TPRG1: variants seen among roughly 807,000 people sequenced by gnomAD.
TPRG1 encodes the protein tumor protein p63 regulated 1.
TPRG1 carries 29 observed loss-of-function variants against 29.3 expected under a neutral mutation model. The observed-to-expected ratio is 0.99, with a 90% confidence interval of 0.74 to 1.35. The LOEUF is 1.35. Among genes scored for constraint, TPRG1 ranks in the 40% most tolerant of loss-of-function variants. The probability of loss-of-function intolerance (pLI) is 0.00; values close to 1 mark genes in which losing one functional copy is unlikely to be tolerated. For missense variants in TPRG1, 327 were observed against 335.0 expected, an observed-to-expected ratio of 0.98 and a Z score of 0.19; for synonymous variants, 130 against 116.8, an observed-to-expected ratio of 1.11 and a Z score of -0.73.
intron 3 of TPRG1, among the ~76,000 whole-genome samples, chr3:189,134,191 G>A (rs189778226): frequency 8.3e-4 from 127 of 152,184 alleles, no homozygotes; most frequent in African/African-American, 2.8e-3. Flanking sequence ...GTGTCTGACC[G>A]TGGGTAAATC....
At chr3:189,117,312 G>A (rs559707605) in intron 1 of TPRG1, among the ~76,000 whole-genome samples, 4 of 152,204 alleles carry the variant, frequency 2.6e-5, no homozygotes, top group East Asian at 3.8e-4. Flanking sequence ...CTGGAAGGAC[G>A]TGGGAAGACA....
intron 3 of TPRG1, among the ~76,000 whole-genome samples, chr3:189,234,542 T>C (rs1335900379): frequency 6.6e-6 from 1 of 152,218 alleles, no homozygotes; most frequent in African/African-American, 2.4e-5. Context: ...ATGTTACTGA[T>C]TGTTTATTGA....
rs566160426 is a variant in TPRG1 at position 189,242,163 on chromosome 3, G to A, written c.479+3254G>A. 2.1e-3 allele frequency among the ~76,000 whole-genome samples: 312 copies of A among 152,016 alleles called. 1 individual carries two copies. The highest frequency in any genetic ancestry group is 7.2e-3 in the African/African-American group (297 of 41,480). On this transcript the variant is annotated intron_variant, in intron 4 of 5. Coordinates refer to ENST00000345063, the MANE Select transcript of TPRG1 (RefSeq NM_198485.4). ...ACTTGAATTTTTATCCAGATGGCAGGCTAGATTTCTCGATATCATATATTT... is the reference window on the plus strand; with the variant it reads ...ACTTGAATTTTTATCCAGATGGCAGACTAGATTTCTCGATATCATATATTT...
rs75576187 is a variant in TPRG1, at chr3:189,175,799, G to T, written c.-10+3668G>T. On this transcript the variant is annotated intron_variant, in intron 1 of 5. Coordinates refer to ENST00000345063, the MANE Select transcript of TPRG1 (RefSeq NM_198485.4). ...AGACTCATTTAAAAATATGGAAAAG[G>T]TTTCTCTCTCTCAAGAAAGTCTATT... Among the ~76,000 whole-genome samples the T allele has an allele frequency of 8.0e-3, 1,211 of 152,204 alleles. 19 individuals carry two copies. The highest frequency in any genetic ancestry group is 0.027 in the African/African-American group (1,138 of 41,524).
chr3:189,112,602 A>G (rs892710728), intron 1 of TPRG1, among the ~76,000 whole-genome samples: 6 of 152,212 alleles, frequency 3.9e-5, no homozygotes, highest in African/African-American at 1.2e-4. Context: ...GTGGCTAGCC[A>G]GTTTTCCCAG....
At chr3:189,182,961 A>C (rs1303767907) in intron 1 of TPRG1, among the ~76,000 whole-genome samples, 1 of 152,208 alleles carries the variant, frequency 6.6e-6, no homozygotes, top group Non-Finnish European at 1.5e-5. Flanking sequence ...AGAACATGTA[A>C]GATCTATTCT....
intron 1 of TPRG1, among the ~76,000 whole-genome samples, chr3:189,105,282 G>T (rs1013065228): frequency 6.6e-6 from 1 of 152,038 alleles, no homozygotes; most frequent in African/African-American, 2.4e-5. Context: ...AAACTCTAAA[G>T]CTTACTCATG....
chr3:189,278,907 T>C (rs920939439), intron 4 of TPRG1, among the ~76,000 whole-genome samples: 2 of 152,218 alleles, frequency 1.3e-5, no homozygotes, highest in Non-Finnish European at 2.9e-5. Context: ...CAGTCCCAAG[T>C]ACTTATGCTC....
chr3:189,288,849 G>T (rs1221735860), intron 4 of TPRG1, among the ~76,000 whole-genome samples: 1 of 152,254 alleles, frequency 6.6e-6, no homozygotes, highest in Admixed American at 6.5e-5. Flanking sequence ...GCCTAATAAT[G>T]TGAGTTTTGA....
chr3:189,316,560 G>T (rs2109347989), intron 5 of TPRG1, among the ~76,000 whole-genome samples: 1 of 152,262 alleles, frequency 6.6e-6, no homozygotes, highest in East Asian at 1.9e-4. Flanking sequence ...GAGACTCCAG[G>T]CAATGAACTG....
chr3:189,268,351 T>G (rs946992628), intron 4 of TPRG1, among the ~76,000 whole-genome samples: 2 of 152,170 alleles, frequency 1.3e-5, no homozygotes, highest in African/African-American at 4.8e-5. Flanking sequence ...CAAATCTCCG[T>G]GGGGAGGCGT....
intron 4 of TPRG1, among the ~76,000 whole-genome samples, chr3:189,260,900 C>G (rs1363351747): frequency 1.3e-5 from 2 of 152,170 alleles, no homozygotes; most frequent in Non-Finnish European, 2.9e-5. Context: ...AGTTGCTGCT[C>G]CATGCCCTCA....
At chr3:189,160,487 A>G (rs1227408477) in intron 5 of TPRG1, among the ~76,000 whole-genome samples, 1 of 152,052 alleles carries the variant, frequency 6.6e-6, no homozygotes, top group Non-Finnish European at 1.5e-5. Flanking sequence ...CATTTAGTAA[A>G]TTTCATTTTG....
In TPRG1 at chr3:189,322,809, A is replaced by C. The variant is rs1724430937; in HGVS notation, c.*1989A>C. On this transcript the variant is annotated 3_prime_UTR_variant, in exon 6 of 6. Coordinates refer to ENST00000345063, the MANE Select transcript of TPRG1 (RefSeq NM_198485.4). ...GCACCATCATCAATGGAAACAGTTC[A>C]GAAAGGATGACAGGAGGGAGATGTT... 6.6e-6 allele frequency: 1 copy of C among 152,162 alleles called. No individual in the cohort carries two copies. Among genetic ancestry groups the C allele is most frequent in the Non-Finnish European group, 1.5e-5 (1 of 68,024 alleles). 9.4% of individuals were successfully genotyped at this position (152,162 alleles called of 1,614,324 possible).
chr3:189,061,507 G>A (rs559095229), intron 4 of TPRG1, among the ~76,000 whole-genome samples: 1 of 152,134 alleles, frequency 6.6e-6, no homozygotes, highest in Non-Finnish European at 1.5e-5. Context: ...AACAGACAAT[G>A]TACAGAATGT....
intron 1 of TPRG1, among the ~76,000 whole-genome samples, chr3:189,172,460 A>G (rs370375888): frequency 2.0e-5 from 3 of 152,160 alleles, no homozygotes; most frequent in Admixed American, 6.5e-5. Flanking sequence ...AGCTTGGTCA[A>G]TTGAAGTGAT....
At chr3:189,226,096 C>T (rs1007473200) in intron 3 of TPRG1, among the ~76,000 whole-genome samples, 2 of 152,158 alleles carry the variant, frequency 1.3e-5, no homozygotes, top group East Asian at 1.9e-4. Flanking sequence ...TTGGTATCAC[C>T]GCTAGACAGA....
rs1459273271 is a variant in TPRG1, at chr3:189,173,733, G to A, written c.-10+1602G>A. 2.0e-5 allele frequency among the ~76,000 whole-genome samples: 3 copies of A among 151,886 alleles called. No individual in the cohort carries two copies. In the East Asian group the frequency reaches 5.8e-4, roughly 29 times the overall value. On this transcript the variant is annotated intron_variant, in intron 1 of 5. Coordinates refer to ENST00000345063, the MANE Select transcript of TPRG1 (RefSeq NM_198485.4). ...CATATGGGTCTCTTACTCTTTCATT[G>A]CCCACAATATGTAGTGAATGGTGCT...
chr3:189,030,348 T>C (rs1189207820), intron 4 of TPRG1, among the ~76,000 whole-genome samples: 2 of 152,236 alleles, frequency 1.3e-5, no homozygotes, highest in Non-Finnish European at 2.9e-5. Context: ...AATTCAAGTT[T>C]ACCTGGATGT....
Sources: gnomAD v4.1 joint callset for allele counts (sites outside exome capture counted in the v4.1 genomes callset) on GRCh38, gnomAD v4.1.1 for gene constraint, MANE v1.5 for transcripts, NCBI Gene and HGNC (gene_info 2026-07-23, HGNC 2026-07-21) for gene names.